PRR5L: variants seen among roughly 807,000 people sequenced by gnomAD.
PRR5L encodes proline rich 5 like.
Under a neutral mutation model 36.4 loss-of-function variants are expected in PRR5L, and 21 were observed. The ratio of observed to expected loss-of-function variants is 0.58; its 90% CI spans 0.41 to 0.83. The LOEUF is 0.83. Among genes scored for constraint, PRR5L ranks in the 40% least tolerant of loss-of-function variants. PRR5L has a pLI of 0.00. For missense variants in PRR5L, 381 were observed against 473.3 expected (o/e 0.80, Z 1.81); for synonymous variants, 188 against 197.0 (o/e 0.95, Z 0.38).
chr11:36,342,840 T>C (rs1856830206), intron 1 of PRR5L, among the ~76,000 whole-genome samples: 1 of 152,200 alleles, frequency 6.6e-6, no homozygotes. Context: ...CATGTGTCAC[T>C]TTGGCACATT....
chr11:36,328,586 C>G (rs148698663), intron 1 of PRR5L, among the ~76,000 whole-genome samples: 2 of 152,312 alleles, frequency 1.3e-5, no homozygotes, highest in African/African-American at 4.8e-5. Context: ...TCCTATACAG[C>G]CTGTGGAACC....
At chr11:36,330,274 A>G (rs186930323) in intron 1 of PRR5L, among the ~76,000 whole-genome samples, 5 of 152,360 alleles carry the variant, frequency 3.3e-5, no homozygotes, top group Admixed American at 3.3e-4. Flanking sequence ...TCCCCAGAAA[A>G]TAGAACATTA....
intron 3 of PRR5L, among the ~76,000 whole-genome samples, chr11:36,418,037 A>G (rs1858183353): frequency 6.6e-6 from 1 of 151,988 alleles, no homozygotes; most frequent in Non-Finnish European, 1.5e-5. Flanking sequence ...CAATATCCCT[A>G]TTTTCCATTT....
At position 36,464,920 on chromosome 11, in the gene PRR5L, TC is replaced by T. The variant is rs1859265144; in HGVS notation, c.*2185del. 6.6e-6 allele frequency: 1 copy of T among 152,210 alleles called. No homozygotes were observed. Among genetic ancestry groups the T allele is most frequent in the Non-Finnish European group, 1.5e-5 (1 of 68,034 alleles). The allele number at this position is 152,210 out of a possible 1,614,324, so 9.4% of individuals were successfully genotyped here. A position where few individuals can be genotyped will look rare whatever the true frequency, so the allele number is the denominator to read the frequency against. On this transcript the variant is annotated 3_prime_UTR_variant, in exon 9 of 9. Transcript: ENST00000530639. ...TTAGCCAGTTTACAACTTTTTACCATCGATGTACACATTTGATATTTGTGCA... is the reference window on the plus strand; with the variant it reads ...TTAGCCAGTTTACAACTTTTTACCATGATGTACACATTTGATATTTGTGCA...
chr11:36,415,328 G>A (rs1042632495), intron 3 of PRR5L, among the ~76,000 whole-genome samples: 9 of 152,212 alleles, frequency 5.9e-5, no homozygotes, highest in Admixed American at 2.0e-4. Flanking sequence ...AATCAAGCTG[G>A]CTAAAGTGTT....
At chr11:36,390,121 A>T (rs1857537403) in intron 1 of PRR5L, among the ~76,000 whole-genome samples, 1 of 152,206 alleles carries the variant, frequency 6.6e-6, no homozygotes, top group Non-Finnish European at 1.5e-5. Context: ...ATTAAGGCAG[A>T]TTATGACAAG....
At chr11:36,343,716 C>A (rs1028125287) in intron 1 of PRR5L, among the ~76,000 whole-genome samples, 4 of 152,116 alleles carry the variant, frequency 2.6e-5, no homozygotes, top group African/African-American at 9.7e-5. Context: ...ACTAAGTATA[C>A]GTACATAAGG....
intron 3 of PRR5L, among the ~76,000 whole-genome samples, chr11:36,404,666 A>G (rs564940198): frequency 6.6e-6 from 1 of 151,516 alleles, no homozygotes; most frequent in South Asian, 2.1e-4. Context: ...GCAGAACAAT[A>G]AACAAGTCCA....
At chr11:36,442,943 C>G (rs915744144) in intron 6 of PRR5L, among the ~76,000 whole-genome samples, 7 of 152,188 alleles carry the variant, frequency 4.6e-5, no homozygotes, top group African/African-American at 1.7e-4. Flanking sequence ...CCAACCTCTG[C>G]TCATTACCCA....
chr11:36,408,216 G>A (rs959816225), intron 3 of PRR5L, among the ~76,000 whole-genome samples: 6 of 151,844 alleles, frequency 4.0e-5, no homozygotes, highest in Non-Finnish European at 7.4e-5. Context: ...GGAGACAGAG[G>A]TTGCAGTGAG....
intron 1 of PRR5L, 65 bp from the exon 2 acceptor site, chr11:36,400,932 C>A (rs1285625151): frequency 7.7e-7 from 1 of 1,299,090 alleles, no homozygotes; most frequent in Non-Finnish European, 1.0e-6. Context: ...AAAGTCCCAG[C>A]CAACTTCCTC....
At chr11:36,422,787 GTC>G (rs1252341632) in intron 4 of PRR5L, among the ~76,000 whole-genome samples, 2 of 152,158 alleles carry the variant, frequency 1.3e-5, no homozygotes, top group East Asian at 3.8e-4. Flanking sequence ...GGCTGGAAAA[GTC>G]TCTGACATTT....
chr11:36,384,835 G>A (rs1352773329), intron 1 of PRR5L, among the ~76,000 whole-genome samples: 1 of 142,886 alleles, frequency 7.0e-6, no homozygotes, highest in Non-Finnish European at 1.5e-5. Flanking sequence ...ACCATGCCTG[G>A]CTTTTTTTTT....
chr11:36,417,029 C>T (rs1012895510), intron 3 of PRR5L, among the ~76,000 whole-genome samples: 5 of 152,160 alleles, frequency 3.3e-5, no homozygotes, highest in Admixed American at 1.3e-4. Context: ...CCCTTAACCC[C>T]GACCTTTTTC....
At chr11:36,451,164 G>A in intron 7 of PRR5L, 45 bp from the exon 8 acceptor site, 1 of 1,607,474 alleles carries the variant, frequency 6.2e-7, no homozygotes, top group South Asian at 1.1e-5. Flanking sequence ...GCTGGTCATG[G>A]CAATGAACAC....
chr11:36,401,140 C>G lies in PRR5L; in HGVS notation c.19C>G (p.Pro7Ala). MTRGFA[P>A]ILPVEFHKMG... ...AGGACTTATGACCCGCGGCTTCGCT[C>G]CCATTCTGCCCGTCGAGTTCCACAA... Residue 7 changes from proline (P) to alanine (A), a missense_variant, in exon 2 of 9, where the codon CCC (proline) becomes GCC (alanine). By Grantham distance (27) the Pro-to-Ala change is conservative. Coordinates refer to ENST00000530639, the MANE Select transcript of PRR5L (RefSeq NM_001160167.2). The G allele has an allele frequency of 6.2e-7, 1 of 1,614,188 alleles. No individual in the cohort carries two copies. The highest frequency in any genetic ancestry group is 1.7e-5 in the Admixed American group (1 of 60,030).
intron 4 of PRR5L, among the ~76,000 whole-genome samples, chr11:36,422,432 A>C (rs1441041780): frequency 1.3e-5 from 2 of 152,194 alleles, no homozygotes; most frequent in Non-Finnish European, 2.9e-5. Flanking sequence ...CTGTTGGGAA[A>C]GGTGAAAGAT....
At chr11:36,317,483 G>A (rs1201148444) in intron 1 of PRR5L, among the ~76,000 whole-genome samples, 5 of 152,164 alleles carry the variant, frequency 3.3e-5, no homozygotes, top group African/African-American at 7.2e-5. Flanking sequence ...ATTTAAGGAA[G>A]GTTCAAGGTC....
chr11:36,296,629 A>G (rs1167467476), intron 1 of PRR5L, among the ~76,000 whole-genome samples, 191 bp downstream of exon 1: 1 of 152,082 alleles, frequency 6.6e-6, no homozygotes, highest in Non-Finnish European at 1.5e-5. Flanking sequence ...TTAGAAAAAT[A>G]CCCTCTGTCT....
Sources: gnomAD v4.1 joint callset for allele counts (sites outside exome capture counted in the v4.1 genomes callset) on GRCh38, gnomAD v4.1.1 for gene constraint, MANE v1.5 for transcripts, NCBI Gene and HGNC (gene_info 2026-07-23, HGNC 2026-07-21) for gene names.